The following COL20A1 variants were observed in gnomAD, a reference collection of about 807,000 sequenced individuals.
COL20A1 encodes the protein collagen type XX alpha 1 chain.
In COL20A1, 164 loss-of-function variants were observed where a neutral mutation model predicts 152.9. The observed-to-expected ratio is 1.07, with a 90% CI of 0.94 to 1.22. The LOEUF is 1.22. COL20A1 is among the 50% of genes most tolerant of loss of function. COL20A1 has a pLI of 0.00. For synonymous variants in COL20A1, 864 were observed against 756.0 expected (o/e 1.14, Z -2.34); for missense variants, 1,873 against 1,744.8 (o/e 1.07, Z -1.31).
chr20:63,317,964 C>T (rs566217063), intron 21 of COL20A1, among the ~76,000 whole-genome samples: 1 of 152,254 alleles, frequency 6.6e-6, no homozygotes, highest in East Asian at 1.9e-4. Context: ...GCCTGCAGCC[C>T]GAGGCAGCTT....
chr20:63,295,893 G>T (rs567022955), intron 2 of COL20A1, among the ~76,000 whole-genome samples: 1 of 152,272 alleles, frequency 6.6e-6, no homozygotes, highest in African/African-American at 2.4e-5. Context: ...CCAACGCGGC[G>T]CCTCCCGGCA....
chr20:63,325,538 G>A, intron 28 of COL20A1, 44 bp downstream of exon 28: 4 of 1,589,972 alleles, frequency 2.5e-6, no homozygotes, highest in Non-Finnish European at 3.4e-6. Flanking sequence ...TGGTGGGGGT[G>A]GGGGAAGGAC....
At chr20:63,301,129 AC>A (rs2067858208) in intron 3 of COL20A1, among the ~76,000 whole-genome samples, 6 of 152,228 alleles carry the variant, frequency 3.9e-5, no homozygotes, top group Non-Finnish European at 8.8e-5. Context: ...ACCCTGTCCA[AC>A]ATGGCAAAAC....
chr20:63,307,692 T>C (rs760855272), intron 6 of COL20A1, 44 bp downstream of exon 6: 4 of 1,582,180 alleles, frequency 2.5e-6, no homozygotes, highest in African/African-American at 1.3e-5. Flanking sequence ...CCGGGTGTGG[T>C]CCCCACAGCT....
chr20:63,305,630 T>TC lies in COL20A1; in HGVS notation c.337+73dup. On this transcript the variant is annotated intron_variant, in intron 4 of 35. Coordinates refer to ENST00000358894, the MANE Select transcript of COL20A1 (RefSeq NM_020882.4). This position sits in a 1 kb window ranked among gnomAD's most constrained non-coding sequence, Gnocchi z 4.9. ...GGTCCCACCCTCCTCTGGGCTGGGG[T>TC]CCCACCCTCCTCCAGGCTGCGTTCC... 6.8e-7 allele frequency: 1 copy of TC among 1,470,412 alleles called. No individual in the cohort carries two copies. The highest frequency in any genetic ancestry group is 1.4e-5 in the African/African-American group (1 of 71,042). 91.1% of individuals were successfully genotyped at this position (1,470,412 alleles called of 1,614,324 possible).
In COL20A1 at chr20:63,320,297, C is replaced by T; in HGVS notation, c.3082C>T (p.Leu1028Phe). The change falls in exon 25 of 36, where the codon CTC becomes TTC. Residue 1028 changes from leucine to phenylalanine, a missense_variant. Transcript: ENST00000358894. ...CGGCTCCCCTGCGTTGCAGTTTCAG[C>T]TCCAGATGCTGCAGATCGTGTGCAG... is the stretch of plus-strand genomic sequence containing the variant. Reference protein sequence around the residue: ...GPRSSSAAFQLQMLQIVCSDT... With the variant: ...GPRSSSAAFQFQMLQIVCSDT... The T allele has an allele frequency of 6.2e-7, 1 of 1,610,296 alleles. No individual in the cohort carries two copies. The highest frequency in any genetic ancestry group is 8.5e-7 in the Non-Finnish European group (1 of 1,179,818).
Position 63,306,085 on chromosome 20 carries a change from C to G in COL20A1, c.496+46C>G, listed in dbSNP as rs187007851. ...AGTAAGTCTCCGGGGAGGGAGTGAC[C>G]TTTGGTTTCCCACATTTCCCACCAT... On this transcript the variant is annotated intron_variant, in intron 5 of 35. Coordinates refer to ENST00000358894, the MANE Select transcript of COL20A1 (RefSeq NM_020882.4). This position sits in a 1 kb window ranked among gnomAD's most constrained non-coding sequence, Gnocchi z 6.9. 6.6e-5 allele frequency: 100 copies of G among 1,509,682 alleles called. No individual in the cohort carries two copies. In the African/African-American group the frequency reaches 1.2e-3, roughly 19 times the overall value. 93.5% of individuals were successfully genotyped at this position (1,509,682 alleles called of 1,614,324 possible).
At position 63,308,633 on chromosome 20, in the gene COL20A1, C is replaced by T. The variant is rs773823579; in HGVS notation, c.867C>T (p.Asp289=). The T allele has an allele frequency of 1.1e-5, 18 of 1,606,646 alleles. No homozygotes were observed. The highest frequency in any genetic ancestry group is 2.2e-5 in the East Asian group (1 of 44,568). ...EAAKVVILVT[D]GKSQDDVHTA... ...CCAAGGTGGTGATTCTGGTGACGGA[C>T]GGCAAGTCCCAGGACGATGTGCACA... is the stretch of plus-strand genomic sequence containing the variant. Residue 289 remains aspartate (D), a synonymous_variant, in exon 8 of 36, where the codon GAC becomes GAT. Transcript: ENST00000358894.
At chr20:63,310,809 C>A (rs1400620773) in intron 11 of COL20A1, among the ~76,000 whole-genome samples, 1 of 152,230 alleles carries the variant, frequency 6.6e-6, no homozygotes, top group Admixed American at 6.5e-5. Context: ...GCCTCCAGCA[C>A]GTGGCTTAGC....
intron 2 of COL20A1, among the ~76,000 whole-genome samples, chr20:63,295,824 G>A (rs931885479): frequency 1.1e-4 from 16 of 152,240 alleles, no homozygotes; most frequent in African/African-American, 1.9e-4. Flanking sequence ...GTGAATTTCC[G>A]TGTCTATGGA....
At position 63,312,763 on chromosome 20, in the gene COL20A1, C is replaced by G. The variant is rs376672931; in HGVS notation, c.1934-29C>G. On this transcript the variant is annotated intron_variant, in intron 15 of 35. Coordinates refer to ENST00000358894, the MANE Select transcript of COL20A1 (RefSeq NM_020882.4). ...GAGGTGCCCAGGCTCAGGGGCTACA[C>G]CCCCAGCCTGTGTCTCCACTTCCTT... 1.8e-5 allele frequency: 27 copies of G among 1,524,332 alleles called. No homozygotes were observed. The Middle Eastern group carries it at 6.8e-4, about 39-fold the overall frequency. The allele number at this position is 1,524,332 out of a possible 1,614,324, so 94.4% of individuals were successfully genotyped here. A position where few individuals can be genotyped will look rare whatever the true frequency, so the allele number is the denominator to read the frequency against.
At chr20:63,312,195 G>A (rs1036681713) in intron 14 of COL20A1, 140 bp downstream of exon 14, 18 of 1,170,782 alleles carry the variant, frequency 1.5e-5, no homozygotes, top group Non-Finnish European at 2.1e-5. Context: ...CACCTGGTGT[G>A]GGGGCAGATG....
At chr20:63,310,272 A>G in intron 10 of COL20A1, 109 bp from the exon 11 acceptor site, 1 of 1,260,152 alleles carries the variant, frequency 7.9e-7, no homozygotes, top group East Asian at 2.6e-5. Flanking sequence ...GAAGTGGGGC[A>G]CCCTGCGGGC....
At chr20:63,312,079 C>T in intron 14 of COL20A1, 24 bp downstream of exon 14, 1 of 1,531,328 alleles carries the variant, frequency 6.5e-7, no homozygotes, top group Non-Finnish European at 8.8e-7. Context: ...CCTCCGGGGG[C>T]CCGAGTGTCT....
Position 63,313,818 on chromosome 20 carries a change from C to A in COL20A1, c.2285C>A (p.Thr762Lys). Reference sequence around the variant, plus strand: ...CCCGACAGCCTGCAGGTCAGCTGGACGCCCCCGCTTGGCCGCGTGCTCCAT... The same window carrying A: ...CCCGACAGCCTGCAGGTCAGCTGGAAGCCCCCGCTTGGCCGCGTGCTCCAT... ...ETPDSLQVSW[T>K]PPLGRVLHYW... Residue 762 changes from threonine (T) to lysine (K), a missense_variant, in exon 18 of 36, where the codon ACG (threonine) becomes AAG (lysine). Transcript: ENST00000358894. This position sits in a 1 kb window ranked among gnomAD's most constrained non-coding sequence, Gnocchi z 5.9. 6.2e-7 allele frequency: 1 copy of A among 1,611,070 alleles called. No homozygotes were observed. Among genetic ancestry groups the A allele is most frequent in the Non-Finnish European group, 8.5e-7 (1 of 1,179,252 alleles).
intron 19 of COL20A1, 119 bp from the exon 20 acceptor site, chr20:63,315,285 C>T: frequency 1.0e-6 from 1 of 994,720 alleles, no homozygotes; most frequent in Non-Finnish European, 1.5e-6. Context: ...CACAGTCCCA[C>T]CTATACAGAT....
chr20:63,307,321 G>C (rs947848278), intron 5 of COL20A1, among the ~76,000 whole-genome samples, 169 bp from the exon 6 acceptor site: 1 of 152,234 alleles, frequency 6.6e-6, no homozygotes, highest in East Asian at 1.9e-4. Flanking sequence ...CAGCCGTGCC[G>C]GTGTGGGGCT....
rs2068351713 is a variant in COL20A1 at position 63,332,988 on chromosome 20, C to T, written c.*2272C>T. 1 of 152,214 alleles carries T rather than the reference C, an allele frequency of 6.6e-6. No individual in the cohort carries two copies. Among genetic ancestry groups the T allele is most frequent in the Non-Finnish European group, 1.5e-5 (1 of 68,074 alleles). The allele number at this position is 152,214 out of a possible 1,614,324, so 9.4% of individuals were successfully genotyped here. A position where few individuals can be genotyped will look rare whatever the true frequency, so the allele number is the denominator to read the frequency against. ...GAGACCCAGCCGACCTGCACGTCTC[C>T]CATCAGCCCCGACTCCACCGCATCC... On this transcript the variant is annotated 3_prime_UTR_variant, in exon 36 of 36. Transcript: ENST00000358894.
intron 21 of COL20A1, among the ~76,000 whole-genome samples, chr20:63,317,158 T>G (rs951140006): frequency 6.6e-6 from 1 of 152,214 alleles, no homozygotes; most frequent in Admixed American, 6.5e-5. Context: ...TGATATAAGC[T>G]GCATGACAGT....
Sources: gnomAD v4.1 joint callset for allele counts (sites outside exome capture counted in the v4.1 genomes callset) on GRCh38, gnomAD v4.1.1 for gene constraint, Gnocchi (gnomAD v3.1) non-coding constraint, MANE v1.5 for transcripts, NCBI Gene and HGNC (gene_info 2026-07-23, HGNC 2026-07-21) for gene names.